THBS1: variants seen among roughly 807,000 people sequenced by gnomAD.
THBS1 encodes thrombospondin 1.
Under a neutral mutation model 126.1 loss-of-function variants are expected in THBS1, and 29 were observed. That is an observed-to-expected ratio of 0.23 (90% CI 0.17 to 0.31). The LOEUF is 0.31. Ranked by LOEUF, THBS1 falls within the 10% of genes least tolerant of loss-of-function variation. THBS1 has a pLI of 1.00. For synonymous variants in THBS1, 496 were observed against 577.8 expected (o/e 0.86, Z 2.03); for missense variants, 1,198 against 1,545.2 (o/e 0.78, Z 3.77).
Position 39,592,289 on chromosome 15 carries a change from AAATATCACTCTATTTGACCTTATT to A in THBS1, c.2533-278_2533-255del, listed in dbSNP as rs1459413310. On this transcript the variant is annotated intron_variant, in intron 16 of 21. Transcript: ENST00000260356. This position sits in a 1 kb window ranked among gnomAD's most constrained non-coding sequence, Gnocchi z 4.3. ...ACATTTCATTTCATCTTTAGTAATTAAATATCACTCTATTTGACCTTATTTAGAAAGTTTTATATGTAAAACATT... is the reference window on the plus strand; with the variant it reads ...ACATTTCATTTCATCTTTAGTAATTATAGAAAGTTTTATATGTAAAACATT... Among the ~76,000 whole-genome samples, 2 of 152,256 alleles carry A rather than the reference AAATATCACTCTATTTGACCTTATT, an allele frequency of 1.3e-5. No individual in the cohort carries two copies. The highest frequency in any genetic ancestry group is 4.8e-5 in the African/African-American group (2 of 41,472).
In THBS1 at chr15:39,595,642, C is replaced by A; in HGVS notation, c.*273C>A. 1 of 607,372 alleles carries A rather than the reference C, an allele frequency of 1.6e-6. No individual in the cohort carries two copies. 37.6% of individuals were successfully genotyped at this position (607,372 alleles called of 1,614,324 possible). A position where few individuals can be genotyped will look rare whatever the true frequency, so the allele number is the denominator to read the frequency against. On this transcript the variant is annotated 3_prime_UTR_variant, in exon 22 of 22. Transcript: ENST00000260356. The stretch of plus-strand genomic sequence containing the variant: ...CTTTTGAAAAAGCATCTACTTGCTT[C>A]AGTTGGGAAGGTGCCCATTCCACTC...
At chr15:39,588,725 C>T (rs376183565) in intron 10 of THBS1, 26 bp downstream of exon 10, 70 of 1,553,190 alleles carry the variant, frequency 4.5e-5, no homozygotes, top group African/African-American at 1.4e-4. Flanking sequence ...CAGGATGAAA[C>T]GACCCAGGAG....
In THBS1 at chr15:39,589,293, C is replaced by G. The variant is rs762740329; in HGVS notation, c.1865C>G (p.Pro622Arg). Residue 622 changes from proline to arginine, a missense_variant, in exon 12 of 22, where the codon CCA (proline) becomes CGA (arginine). Coordinates refer to ENST00000260356, the MANE Select transcript of THBS1 (RefSeq NM_003246.4). This position sits in a 1 kb window ranked among gnomAD's most constrained non-coding sequence, Gnocchi z 4.7. ...DPGYNCLPCP[P>R]RFTGSQPFGQ... ...GGCTACAACTGCCTGCCCTGCCCCC[C>G]ACGCTTCACCGGCTCACAGCCCTTC... 17 of 1,614,046 alleles carry G rather than the reference C, an allele frequency of 1.1e-5. No homozygotes were observed. The highest frequency in any genetic ancestry group is 2.2e-5 in the East Asian group (1 of 44,898).
intron 7 of THBS1, 32 bp from the exon 8 acceptor site, chr15:39,587,315 A>G (rs1438347957): frequency 6.3e-7 from 1 of 1,594,670 alleles, no homozygotes; most frequent in Admixed American, 1.7e-5. Context: ...CCTAATCATC[A>G]CGTACCTGAT....
Position 39,593,941 on chromosome 15 carries a change from G to T in THBS1, c.3268-158G>T. On this transcript the variant is annotated intron_variant, in intron 19 of 21. Transcript: ENST00000260356. The surrounding 1 kb of genome is among the most constrained non-coding windows in gnomAD (Gnocchi z 5.9). ...GTCTGCTTTATATGTGTGCTCAGTG[G>T]CACACAACAAATATGAGAGGACTTG... 1.1e-6 allele frequency: 1 copy of T among 902,132 alleles called. No homozygotes were observed. The highest frequency in any genetic ancestry group is 1.6e-6 in the Non-Finnish European group (1 of 607,024). 55.9% of individuals were successfully genotyped at this position (902,132 alleles called of 1,614,324 possible).
At position 39,593,342 on chromosome 15, in the gene THBS1, T is replaced by A; in HGVS notation, c.2996-55T>A. 2 of 1,612,928 alleles carry A rather than the reference T, an allele frequency of 1.2e-6. No individual in the cohort carries two copies. Among genetic ancestry groups the A allele is most frequent in the Non-Finnish European group, 1.7e-6 (2 of 1,179,284 alleles). On this transcript the variant is annotated intron_variant, in intron 18 of 21. Transcript: ENST00000260356. This position sits in a 1 kb window ranked among gnomAD's most constrained non-coding sequence, Gnocchi z 5.9. ...GTGCTGAGGATGTCTAGGAACATGA[T>A]GGAGAACCTTCTGAAGGCTGCAGGT...
Position 39,593,962 on chromosome 15 carries a change from A to T in THBS1, c.3268-137A>T, listed in dbSNP as rs1481798814. 7.2e-6 allele frequency: 7 copies of T among 966,106 alleles called. No homozygotes were observed. The highest frequency in any genetic ancestry group is 1.1e-5 in the Non-Finnish European group (7 of 660,706). The allele number at this position is 966,106 out of a possible 1,614,324, so 59.8% of individuals were successfully genotyped here. A position where few individuals can be genotyped will look rare whatever the true frequency, so the allele number is the denominator to read the frequency against. ...AGTGGCACACAACAAATATGAGAGG[A>T]CTTGGAAAAATTCCCCATTGCAGCC... On this transcript the variant is annotated intron_variant, in intron 19 of 21. Transcript: ENST00000260356. This position sits in a 1 kb window ranked among gnomAD's most constrained non-coding sequence, Gnocchi z 5.9.
In THBS1 at chr15:39,599,309, G is replaced by T. The variant is rs990201548; in HGVS notation, c.*3940G>T. ...ACCTTCAGTTGACATGCTGTGAATG[G>T]TCCCACCTCTTTTATGGCAGAATTC... On this transcript the variant is annotated 3_prime_UTR_variant, in exon 22 of 22. Coordinates refer to ENST00000260356, the MANE Select transcript of THBS1 (RefSeq NM_003246.4). 6.6e-6 allele frequency: 1 copy of T among 152,108 alleles called. No homozygotes were observed. The highest frequency in any genetic ancestry group is 1.5e-5 in the Non-Finnish European group (1 of 68,028). 9.4% of individuals were successfully genotyped at this position (152,108 alleles called of 1,614,324 possible).
chr15:39,582,788 C>A, intron 3 of THBS1, 36 bp downstream of exon 3: 1 of 1,568,076 alleles, frequency 6.4e-7, no homozygotes, highest in South Asian at 1.2e-5. Flanking sequence ...TCCGTGGGAT[C>A]ATCTGCTAGA....
chr15:39,593,385 CTCT>C lies in THBS1; in HGVS notation c.2996-6_2996-4del. On this transcript the variant is annotated splice_polypyrimidine_tract_variant and intron_variant, in intron 18 of 21. Transcript: ENST00000260356. This position sits in a 1 kb window ranked among gnomAD's most constrained non-coding sequence, Gnocchi z 5.9. ...CTGCAGGTTTTAACCTGGCTCTGGG[CTCT>C]TCTTCCAGGTTATGATGAGTTTAAT... The C allele has an allele frequency of 1.2e-6, 2 of 1,613,640 alleles. No homozygotes were observed. The highest frequency in any genetic ancestry group is 1.7e-4 in the Middle Eastern group (1 of 6,058).
intron 10 of THBS1, 93 bp from the exon 11 acceptor site, chr15:39,588,866 T>C (rs1197359884): frequency 1.2e-6 from 2 of 1,607,828 alleles, no homozygotes; most frequent in East Asian, 2.2e-5. Flanking sequence ...CCCTATACCC[T>C]ATAATATCTT....
chr15:39,591,054 G>C lies in THBS1; in HGVS notation c.2254-137G>C, dbSNP rs963832992. 1.0e-5 allele frequency: 10 copies of C among 963,098 alleles called. 1 individual carries two copies. The highest frequency in any genetic ancestry group is 1.5e-5 in the Non-Finnish European group (10 of 646,894). 59.7% of individuals were successfully genotyped at this position (963,098 alleles called of 1,614,324 possible). On this transcript the variant is annotated intron_variant, in intron 14 of 21. Coordinates refer to ENST00000260356, the MANE Select transcript of THBS1 (RefSeq NM_003246.4). ...ACTTTTGTAGTGATCGTTTTACACT[G>C]AGTGATCAATTAGCCTATCCACTAG...
rs779661744 is a variant in THBS1 at position 39,594,262 on chromosome 15, A to G, written c.3366-39A>G. On this transcript the variant is annotated intron_variant, in intron 20 of 21. Coordinates refer to ENST00000260356, the MANE Select transcript of THBS1 (RefSeq NM_003246.4). This position sits in a 1 kb window ranked among gnomAD's most constrained non-coding sequence, Gnocchi z 4.4. Reference sequence around the variant, plus strand: ...AGGGACAAAAAGACAAAAAGTATTAAATAGCATTGTCACTAAACAAGATTT... The same window carrying G: ...AGGGACAAAAAGACAAAAAGTATTAGATAGCATTGTCACTAAACAAGATTT... 3 of 1,614,024 alleles carry G rather than the reference A, an allele frequency of 1.9e-6. No homozygotes were observed. The highest frequency in any genetic ancestry group is 2.5e-6 in the Non-Finnish European group (3 of 1,179,948).
chr15:39,591,093 C>A, intron 14 of THBS1, 98 bp from the exon 15 acceptor site: 2 of 1,368,450 alleles, frequency 1.5e-6, no homozygotes, highest in Non-Finnish European at 2.0e-6. Flanking sequence ...GAAAGTATTG[C>A]TGATTTTCAC....
intron 7 of THBS1, 92 bp from the exon 8 acceptor site, chr15:39,587,255 C>G (rs1378921283): frequency 7.7e-7 from 1 of 1,290,778 alleles, no homozygotes; most frequent in African/African-American, 1.5e-5. Context: ...TGCTTTTCAC[C>G]CTCTGGCAAG....
rs1045582878 is a variant in THBS1 at position 39,594,680 on chromosome 15, T to A, written c.3505+240T>A. ...CAATCTCTGTGCTCCTCATACACAG[T>A]GCAAAGGTAAGCTGCAGAAAAGCTC... is the stretch of plus-strand genomic sequence containing the variant. On this transcript the variant is annotated intron_variant, in intron 21 of 21. Transcript: ENST00000260356. This position sits in a 1 kb window ranked among gnomAD's most constrained non-coding sequence, Gnocchi z 4.4. Among the ~76,000 whole-genome samples, 1 of 152,238 alleles carries A rather than the reference T, an allele frequency of 6.6e-6. No individual in the cohort carries two copies. Among genetic ancestry groups the A allele is most frequent in the Non-Finnish European group, 1.5e-5 (1 of 68,040 alleles).
At position 39,587,578 on chromosome 15, in the gene THBS1, C is replaced by G. The variant is rs999221767; in HGVS notation, c.1294+58C>G. On this transcript the variant is annotated intron_variant, in intron 8 of 21. Coordinates refer to ENST00000260356, the MANE Select transcript of THBS1 (RefSeq NM_003246.4). ...ACTGACCTGTCCTTGTTGTCGTCACCAAGGGCAGCTCCACAGCATGTATAT... is the reference window on the plus strand; with the variant it reads ...ACTGACCTGTCCTTGTTGTCGTCACGAAGGGCAGCTCCACAGCATGTATAT... 5.9e-6 allele frequency: 9 copies of G among 1,512,744 alleles called. No homozygotes were observed. The Admixed American group carries it at 1.6e-4, about 26-fold the overall frequency. The allele number at this position is 1,512,744 out of a possible 1,614,324, so 93.7% of individuals were successfully genotyped here.
chr15:39,581,741 C>T (rs753663607), intron 1 of THBS1, 88 bp from the exon 2 acceptor site: 8 of 756,050 alleles, frequency 1.1e-5, no homozygotes, highest in Non-Finnish European at 1.8e-5. Flanking sequence ...GGTCCCGGCC[C>T]TGTCCCCATG....
In THBS1 at chr15:39,591,738, G is replaced by A. The variant is rs1448352244; in HGVS notation, c.2532+115G>A. The A allele has an allele frequency of 3.1e-5, 30 of 978,644 alleles. No homozygotes were observed. The South Asian group carries it at 3.9e-4, about 13-fold the overall frequency. The allele number at this position is 978,644 out of a possible 1,614,324, so 60.6% of individuals were successfully genotyped here. On this transcript the variant is annotated intron_variant, in intron 16 of 21. Transcript: ENST00000260356. ...AACACTTTCATTACTGTGGCTCCCT[G>A]GCTTCTCATAGCCAACTGGAATACG... is the stretch of plus-strand genomic sequence containing the variant.
Sources: allele counts gnomAD v4.1 joint callset (sites outside exome capture counted in the v4.1 genomes callset), GRCh38; gene constraint gnomAD v4.1.1; non-coding constraint Gnocchi (gnomAD v3.1); transcripts MANE v1.5; gene names NCBI Gene and HGNC (gene_info 2026-07-23, HGNC 2026-07-21).